Variants in SNX29 observed in about 807,000 individuals in gnomAD.
SNX29 encodes the protein sorting nexin-29.
SNX29 carries 78 observed loss-of-function variants against 102.1 expected under a neutral mutation model. The ratio of observed to expected loss-of-function variants is 0.76; its 90% CI spans 0.64 to 0.92. SNX29 has a LOEUF of 0.92. Among genes scored for constraint, SNX29 ranks in the 40% least tolerant of loss-of-function variants. SNX29 has a pLI of 0.00. For missense variants in SNX29, 1,280 were observed against 1,061.7 expected (o/e 1.21, Z -2.86); for synonymous variants, 580 against 414.5 (o/e 1.40, Z -4.85).
chr16:12,452,964 G>C (rs986967970), intron 18 of SNX29, among the ~76,000 whole-genome samples: 4 of 152,150 alleles, frequency 2.6e-5, no homozygotes, highest in Non-Finnish European at 5.9e-5. Flanking sequence ...GGTGGACTTC[G>C]TCTTGGCTAG....
chr16:12,145,441 T>C (rs1171981603), intron 13 of SNX29, among the ~76,000 whole-genome samples: 1 of 152,226 alleles, frequency 6.6e-6, no homozygotes, highest in Admixed American at 6.5e-5. Flanking sequence ...TTTTTCCCTG[T>C]TCATAAATGT....
At chr16:12,375,625 C>A (rs779774232) in intron 16 of SNX29, 9 of 152,244 alleles carry the variant, frequency 5.9e-5, no homozygotes, top group Non-Finnish European at 1.3e-4. Flanking sequence ...CAGCTGTTGA[C>A]TGGAGGCCAC....
At chr16:12,475,070 C>T (rs943266532) in intron 18 of SNX29, among the ~76,000 whole-genome samples, 44 of 152,314 alleles carry the variant, frequency 2.9e-4, no homozygotes, top group African/African-American at 8.9e-4. Context: ...TATTCGTAGA[C>T]CTGAATTCTC....
intron 20 of SNX29, among the ~76,000 whole-genome samples, chr16:12,556,712 G>A (rs542010147): frequency 6.6e-6 from 1 of 152,166 alleles, no homozygotes; most frequent in Admixed American, 6.5e-5. Flanking sequence ...AGGCCAGTGG[G>A]TCTTGGATTT....
intron 19 of SNX29, among the ~76,000 whole-genome samples, chr16:12,507,996 T>C (rs1179466019): frequency 3.3e-5 from 5 of 152,220 alleles, no homozygotes; most frequent in Non-Finnish European, 7.3e-5. Flanking sequence ...CTGGAAGCCG[T>C]GTGGACCTGG....
At chr16:12,367,787 G>C (rs143904912) in intron 16 of SNX29, among the ~76,000 whole-genome samples, 5 of 152,302 alleles carry the variant, frequency 3.3e-5, no homozygotes, top group Middle Eastern at 3.4e-3. Flanking sequence ...CTCAGCGCTT[G>C]GACATCCCTG....
intron 11 of SNX29, among the ~76,000 whole-genome samples, chr16:12,108,795 T>C (rs1427368600): frequency 6.6e-6 from 1 of 152,078 alleles, no homozygotes; most frequent in Non-Finnish European, 1.5e-5. Flanking sequence ...TCTTGTTCGT[T>C]TTCTGTTGCT....
intron 1 of SNX29, among the ~76,000 whole-genome samples, chr16:11,992,392 T>C (rs1369009884): frequency 2.4e-5 from 3 of 126,290 alleles, no homozygotes; most frequent in Non-Finnish European, 5.8e-5. Flanking sequence ...AGTTGCATTG[T>C]TGAGCAATCA....
chr16:12,559,013 G>A (rs139027180), intron 20 of SNX29, among the ~76,000 whole-genome samples: 1 of 152,172 alleles, frequency 6.6e-6, no homozygotes, highest in Non-Finnish European at 1.5e-5. Flanking sequence ...GGGGGAGAGA[G>A]ACAAAAGACT....
In SNX29 at chr16:12,078,873, A is replaced by G; in HGVS notation, c.1360A>G (p.Ser454Gly). ...TCCAGGCCACGGAAGTCCTCTGAGC[A>G]GCCTGTTACCTTCTGCCTCAGTGCC... Reference protein sequence around the residue: ...SSPGHGSPLSSLLPSASVPES... With the variant: ...SSPGHGSPLSGLLPSASVPES... The change falls in exon 11 of 21, where the codon AGC (serine) becomes GGC (glycine). Residue 454 changes from serine (S) to glycine (G), a missense_variant. Physicochemically the swap from Ser to Gly is moderately conservative, Grantham distance 56. Coordinates refer to ENST00000566228, the MANE Select transcript of SNX29 (RefSeq NM_032167.5). 1 of 1,607,336 alleles carries G rather than the reference A, an allele frequency of 6.2e-7. No homozygotes were observed. The highest frequency in any genetic ancestry group is 1.3e-5 in the African/African-American group (1 of 74,954).
At chr16:12,206,585 G>T (rs1596505295) in intron 14 of SNX29, among the ~76,000 whole-genome samples, 1 of 152,124 alleles carries the variant, frequency 6.6e-6, no homozygotes, top group East Asian at 1.9e-4. Flanking sequence ...CGCCTTCTCA[G>T]CCAGGTGTTC....
chr16:12,066,740 G>A (rs961651659), intron 9 of SNX29, among the ~76,000 whole-genome samples: 1 of 151,456 alleles, frequency 6.6e-6, no homozygotes, highest in African/African-American at 2.4e-5. Context: ...CAAGTAGGAG[G>A]GGATGGTGGG....
intron 13 of SNX29, chr16:12,135,696 C>A (rs1451990408): frequency 2.8e-6 from 3 of 1,081,604 alleles, no homozygotes; most frequent in African/African-American, 3.2e-5. Context: ...TTCCTCTGGA[C>A]TTTTCATGTA....
chr16:12,260,769 T>G (rs1013303528), intron 14 of SNX29, among the ~76,000 whole-genome samples: 3 of 151,374 alleles, frequency 2.0e-5, no homozygotes, highest in Non-Finnish European at 4.4e-5. Flanking sequence ...GAGTGTTCGC[T>G]GAGCTCCAGT....
At chr16:12,203,117 T>C (rs1194291206) in intron 14 of SNX29, among the ~76,000 whole-genome samples, 2 of 151,006 alleles carry the variant, frequency 1.3e-5, no homozygotes, top group Non-Finnish European at 2.9e-5. Context: ...TCAGGTGGAC[T>C]GGTGGCATTG....
chr16:12,564,622 A>G (rs62028257), intron 20 of SNX29, among the ~76,000 whole-genome samples: 1 of 151,224 alleles, frequency 6.6e-6, no homozygotes, highest in South Asian at 2.1e-4. Context: ...ACCTAGTCCC[A>G]GCATTAACAG....
intron 15 of SNX29, among the ~76,000 whole-genome samples, chr16:12,280,057 G>GA (rs1346903463): frequency 1.3e-5 from 2 of 152,156 alleles, no homozygotes; most frequent in Non-Finnish European, 2.9e-5. Context: ...GGGGGTGTTT[G>GA]ACCCTCTGAT....
At chr16:12,113,073 G>T (rs2053561088) in intron 11 of SNX29, among the ~76,000 whole-genome samples, 2 of 152,178 alleles carry the variant, frequency 1.3e-5, no homozygotes, top group Non-Finnish European at 1.5e-5. Flanking sequence ...GCATTTCTGG[G>T]CCTTGCTTGC....
chr16:12,118,201 G>A (rs2053815937), intron 11 of SNX29, among the ~76,000 whole-genome samples: 1 of 151,882 alleles, frequency 6.6e-6, no homozygotes, highest in African/African-American at 2.4e-5. Flanking sequence ...TTCTACTGCT[G>A]GAAGCAACCT....
Sources: allele counts gnomAD v4.1 joint callset (sites outside exome capture counted in the v4.1 genomes callset), GRCh38; gene constraint gnomAD v4.1.1; transcripts MANE v1.5; gene names NCBI Gene and HGNC (gene_info 2026-07-23, HGNC 2026-07-21).